GNG4: variants seen among roughly 807,000 people sequenced by gnomAD.
GNG4 encodes G protein subunit gamma 4, also known as guanine nucleotide-binding protein G(I)/G(S)/G(O) subunit gamma-4.
Under a neutral mutation model 5.8 loss-of-function variants are expected in GNG4, and 4 were observed. The ratio of observed to expected loss-of-function variants is 0.69; its 90% confidence interval spans 0.34 to 1.57. GNG4 has a LOEUF of 1.57. GNG4 is among the 40% of genes most tolerant of loss of function. GNG4 has a pLI of 0.06. For missense variants in GNG4, 96 were observed against 95.1 expected, an observed-to-expected ratio of 1.01 and a Z score of -0.04; for synonymous variants, 29 against 32.9, an observed-to-expected ratio of 0.88 and a Z score of 0.41.
intron 1 of GNG4, among the ~76,000 whole-genome samples, chr1:235,596,209 TACACACACACACACAC>T (rs59527448): frequency 4.5e-5 from 6 of 133,478 alleles, no homozygotes; most frequent in Admixed American, 7.5e-5. Flanking sequence ...ACAAACAAAA[TACACACACACACACAC>T]ACACACACAC....
At chr1:235,564,752 C>G (rs549577119) in intron 3 of GNG4, among the ~76,000 whole-genome samples, 1 of 152,318 alleles carries the variant, frequency 6.6e-6, no homozygotes, top group South Asian at 2.1e-4. Context: ...GTGGCACAAT[C>G]TCAGCTCACT....
chr1:235,579,992 G>A (rs1000540073), intron 3 of GNG4, among the ~76,000 whole-genome samples: 2 of 152,152 alleles, frequency 1.3e-5, no homozygotes, highest in African/African-American at 4.8e-5. Flanking sequence ...ATTTACAATA[G>A]TCCAAAGGTG....
intron 3 of GNG4, 66 bp from the exon 4 acceptor site, chr1:235,552,303 G>A: frequency 1.4e-6 from 2 of 1,458,782 alleles, no homozygotes; most frequent in Non-Finnish European, 1.9e-6. Flanking sequence ...CAGGGAAGAG[G>A]TGTCCACGTA....
intron 2 of GNG4, among the ~76,000 whole-genome samples, chr1:235,584,138 TCACCACCACGACCATAAGTAATG>T (rs1687708390): frequency 1.3e-5 from 2 of 152,300 alleles, no homozygotes; most frequent in African/African-American, 4.8e-5. Context: ...GCCACCACCA[TCACCACCACGACCATAAGTAATG>T]CTTGGACATT....
At chr1:235,618,521 T>C (rs1300694983) in intron 1 of GNG4, among the ~76,000 whole-genome samples, 1 of 152,096 alleles carries the variant, frequency 6.6e-6, no homozygotes, top group Non-Finnish European at 1.5e-5. Context: ...TTTAGCCAAT[T>C]TGGGAAGCCA....
intron 1 of GNG4, among the ~76,000 whole-genome samples, chr1:235,637,248 A>G (rs1202614401): frequency 6.6e-6 from 1 of 152,184 alleles, no homozygotes; most frequent in Non-Finnish European, 1.5e-5. Flanking sequence ...GTTTCAGGTT[A>G]TGCTTACGTG....
intron 3 of GNG4, among the ~76,000 whole-genome samples, chr1:235,578,478 G>C (rs1221222065): frequency 6.6e-6 from 1 of 152,168 alleles, no homozygotes; most frequent in Non-Finnish European, 1.5e-5. Context: ...GTGTTTCTGT[G>C]TTCATTGCAG....
intron 1 of GNG4, among the ~76,000 whole-genome samples, chr1:235,631,843 C>T (rs961707192): frequency 2.6e-5 from 4 of 152,226 alleles, no homozygotes; most frequent in South Asian, 2.1e-4. Context: ...GCCGGGATTA[C>T]AGGCATGAGC....
intron 1 of GNG4, among the ~76,000 whole-genome samples, chr1:235,607,619 TG>T (rs777997840): frequency 3.1e-4 from 47 of 152,372 alleles, no homozygotes; most frequent in Admixed American, 5.2e-4. Context: ...TCACGCGCTT[TG>T]ATCAGGGAGA....
chr1:235,630,388 T>C (rs1688907617), intron 1 of GNG4, among the ~76,000 whole-genome samples: 1 of 152,246 alleles, frequency 6.6e-6, no homozygotes, highest in Admixed American at 6.5e-5. Context: ...AACAGCAGCC[T>C]GTGACTCAAC....
chr1:235,555,552 A>G (rs1464379974), intron 3 of GNG4, among the ~76,000 whole-genome samples: 2 of 152,042 alleles, frequency 1.3e-5, no homozygotes, highest in East Asian at 1.9e-4. Context: ...GATAGTGCAC[A>G]CCGGCAGTCC....
chr1:235,601,523 CAA>C (rs1688258434), intron 1 of GNG4, among the ~76,000 whole-genome samples: 1 of 152,158 alleles, frequency 6.6e-6, no homozygotes, highest in Non-Finnish European at 1.5e-5. Flanking sequence ...TGCCCGCCCT[CAA>C]AGAGCTCAGG....
At chr1:235,650,579 T>TA, upstream of GNG4, 1 of 151,728 alleles carries the variant, frequency 6.6e-6, no homozygotes, top group South Asian at 2.1e-4. Flanking sequence ...GCGTCGCCAC[T>TA]AACCCGGCGA....
intron 1 of GNG4, chr1:235,615,705 A>G: frequency 4.2e-6 from 1 of 237,578 alleles, no homozygotes; most frequent in South Asian, 7.7e-5. Context: ...ACATAGACAT[A>G]GCCATTATGC....
intron 3 of GNG4, among the ~76,000 whole-genome samples, chr1:235,560,066 CA>C (rs1227395578): frequency 2.6e-5 from 4 of 152,138 alleles, no homozygotes; most frequent in African/African-American, 9.7e-5. Context: ...CCCAAATTTC[CA>C]AAAAGAAATC....
chr1:235,638,923 G>A lies in GNG4; in HGVS notation c.-123+10739C>T, dbSNP rs559129127. ...TCTATCATTGATGGGCATTTGGGTTGGTTCCAAGTCTTTGCTATTGTAAAT... is the reference window on the plus strand; with the variant it reads ...TCTATCATTGATGGGCATTTGGGTTAGTTCCAAGTCTTTGCTATTGTAAAT... On this transcript the variant is annotated intron_variant, in intron 1 of 3. Coordinates refer to ENST00000391854, the MANE Select transcript of GNG4 (RefSeq NM_001098722.2). 1.2e-3 allele frequency among the ~76,000 whole-genome samples: 181 copies of A among 152,218 alleles called. 2 individuals are homozygous for A. Among genetic ancestry groups the A allele is most frequent in the Admixed American group, 4.6e-3 (70 of 15,272 alleles).
intron 3 of GNG4, among the ~76,000 whole-genome samples, chr1:235,558,930 T>C (rs1247356545): frequency 1.3e-5 from 2 of 152,202 alleles, no homozygotes; most frequent in African/African-American, 4.8e-5. Context: ...AAAGAGGTGA[T>C]TAAGGCAGCC....
intron 1 of GNG4, among the ~76,000 whole-genome samples, chr1:235,634,780 TA>T (rs1349225319): frequency 6.6e-6 from 1 of 151,766 alleles, no homozygotes; most frequent in African/African-American, 2.4e-5. Context: ...CTGTTTCTAC[TA>T]AAAAATACAA....
At chr1:235,643,381 ACTG>A (rs1177275816) in intron 1 of GNG4, among the ~76,000 whole-genome samples, 1 of 152,184 alleles carries the variant, frequency 6.6e-6, no homozygotes, top group African/African-American at 2.4e-5. Flanking sequence ...CGCTTTCTGC[ACTG>A]CTATCAGAAA....
Sources: gnomAD v4.1 joint callset for allele counts (sites outside exome capture counted in the v4.1 genomes callset) on GRCh38, gnomAD v4.1.1 for gene constraint, MANE v1.5 for transcripts, NCBI Gene and HGNC (gene_info 2026-07-23, HGNC 2026-07-21) for gene names.